The following RARB variants were observed in gnomAD, a reference collection of about 807,000 sequenced individuals.
RARB encodes HBV-activated protein.
Under a neutral mutation model 51.9 loss-of-function variants are expected in RARB, and 17 were observed. The observed-to-expected ratio is 0.33, with a 90% CI of 0.22 to 0.49. RARB has a LOEUF of 0.49. Ranked by LOEUF, RARB falls within the 20% of genes least tolerant of loss-of-function variation. The pLI is 0.99. For synonymous variants in RARB, 215 were observed against 195.4 expected (o/e 1.10, Z -0.84); for missense variants, 369 against 550.8 (o/e 0.67, Z 3.30).
At chr3:25,280,012 A>G (rs754440438) in intron 5 of RARB, among the ~76,000 whole-genome samples, 8 of 152,182 alleles carry the variant, frequency 5.3e-5, no homozygotes, top group Non-Finnish European at 1.0e-4. Flanking sequence ...TGAGGCTTCC[A>G]TAACAAAAGG....
At chr3:24,966,222 A>C (rs1394718950) in intron 2 of RARB, among the ~76,000 whole-genome samples, 1 of 151,856 alleles carries the variant, frequency 6.6e-6, no homozygotes, top group Non-Finnish European at 1.5e-5. Context: ...CTATTATTGG[A>C]ATTTGGGAAA....
Position 24,909,045 on chromosome 3 carries a change from G to A in RARB, c.-380+50293G>A, listed in dbSNP as rs140970743. Among the ~76,000 whole-genome samples the A allele has an allele frequency of 2.8e-3, 429 of 152,210 alleles. 2 individuals carry two copies. Among genetic ancestry groups the A allele is most frequent in the African/African-American group, 9.9e-3 (412 of 41,560 alleles). On this transcript the variant is annotated intron_variant, in intron 2 of 11. Coordinates refer to the RARB transcript ENST00000383772. ...GTTATATAACACATTAGAAATGTTA[G>A]AGCTTTTTCCAAAAGGCATCATTTT...
intron 3 of RARB, among the ~76,000 whole-genome samples, chr3:25,531,657 TAC>T (rs1698925357): frequency 6.6e-6 from 1 of 151,740 alleles, no homozygotes; most frequent in East Asian, 1.9e-4. Flanking sequence ...CCAGAAGTGC[TAC>T]AGTTTTCTGT....
At chr3:25,362,994 C>T (rs558109582) in intron 5 of RARB, among the ~76,000 whole-genome samples, 6 of 152,056 alleles carry the variant, frequency 3.9e-5, no homozygotes, top group East Asian at 1.9e-4. Flanking sequence ...TACTTTCAAT[C>T]GATTTACAGG....
intron 5 of RARB, among the ~76,000 whole-genome samples, chr3:25,281,972 G>A (rs1299305503): frequency 6.6e-6 from 1 of 152,188 alleles, no homozygotes; most frequent in East Asian, 1.9e-4. Context: ...GGGGTTCAGA[G>A]TACAGAGATT....
In RARB at chr3:25,494,762, G is replaced by A. The variant is rs549071264; in HGVS notation, c.307-6420G>A. On this transcript the variant is annotated intron_variant, in intron 2 of 7. Coordinates refer to ENST00000330688, the MANE Select transcript of RARB (RefSeq NM_000965.5). Reference sequence around the variant, plus strand: ...ATCATGAAGTTGTCCATCCCCAAGAGCCTATATTGTTTAGAGGTTGGACAC... The same window carrying A: ...ATCATGAAGTTGTCCATCCCCAAGAACCTATATTGTTTAGAGGTTGGACAC... Among the ~76,000 whole-genome samples the A allele has an allele frequency of 2.0e-5, 3 of 152,296 alleles. No homozygotes were observed. The East Asian group carries it at 5.8e-4, about 29-fold the overall frequency.
intron 2 of RARB, among the ~76,000 whole-genome samples, chr3:25,487,183 T>C (rs1696515477): frequency 6.6e-6 from 1 of 152,156 alleles, no homozygotes; most frequent in Admixed American, 6.5e-5. Context: ...TTTGACACAG[T>C]AATAGACACA....
At chr3:25,445,997 T>C (rs992500414) in intron 1 of RARB, among the ~76,000 whole-genome samples, 17 of 152,238 alleles carry the variant, frequency 1.1e-4, no homozygotes, top group African/African-American at 4.1e-4. Flanking sequence ...TCCCTGGCTC[T>C]ACGCCAGGGA....
intron 5 of RARB, among the ~76,000 whole-genome samples, chr3:25,405,438 A>G (rs1241078102): frequency 6.6e-6 from 1 of 152,220 alleles, no homozygotes; most frequent in African/African-American, 2.4e-5. Flanking sequence ...GCATTGCTAA[A>G]CATCAGGCCT....
intron 3 of RARB, among the ~76,000 whole-genome samples, chr3:25,106,344 C>G (rs1226619852): frequency 1.3e-5 from 2 of 152,028 alleles, no homozygotes; most frequent in African/African-American, 4.8e-5. Context: ...GGTGCAATTG[C>G]AGCTCACTGC....
rs1158358075 is a variant in RARB at position 24,961,572 on chromosome 3, T to A, written c.-379-98553T>A. On this transcript the variant is annotated intron_variant, in intron 2 of 11. Transcript: ENST00000383772. The stretch of plus-strand genomic sequence containing the variant: ...TCTATGGAAGGAATCATATGAGACT[T>A]TCCAGGTTGTTCAGACAGATGAATT... Among the ~76,000 whole-genome samples, 4 of 152,120 alleles carry A rather than the reference T, an allele frequency of 2.6e-5. No homozygotes were observed. The South Asian group carries it at 8.3e-4, about 32-fold the overall frequency.
intron 3 of RARB, among the ~76,000 whole-genome samples, chr3:25,533,195 G>A (rs1447611676): frequency 6.6e-6 from 1 of 151,986 alleles, no homozygotes; most frequent in Non-Finnish European, 1.5e-5. Context: ...TATGGGAAGG[G>A]GACACATTAC....
At chr3:25,487,938 A>G (rs944099084) in intron 2 of RARB, among the ~76,000 whole-genome samples, 12 of 152,220 alleles carry the variant, frequency 7.9e-5, no homozygotes, top group Admixed American at 3.9e-4. Flanking sequence ...TCTTCCCTCT[A>G]TAGATATGTT....
intron 2 of RARB, among the ~76,000 whole-genome samples, chr3:25,040,874 C>T (rs1173416089): frequency 6.6e-6 from 1 of 152,172 alleles, no homozygotes; most frequent in East Asian, 1.9e-4. Flanking sequence ...GCTGCCTGGT[C>T]TAAGGTCTGT....
At chr3:25,044,257 T>C (rs753477641) in intron 2 of RARB, among the ~76,000 whole-genome samples, 2 of 152,188 alleles carry the variant, frequency 1.3e-5, no homozygotes, top group Non-Finnish European at 2.9e-5. Context: ...GTATGTGTGA[T>C]TCTGACATTA....
At chr3:24,876,712 T>G (rs1321801397) in intron 2 of RARB, among the ~76,000 whole-genome samples, 1 of 152,158 alleles carries the variant, frequency 6.6e-6, no homozygotes, top group Admixed American at 6.5e-5. Context: ...ATATATTAAT[T>G]GCTGGAAATC....
At chr3:24,875,065 T>G (rs927325371) in intron 2 of RARB, among the ~76,000 whole-genome samples, 15 of 152,150 alleles carry the variant, frequency 9.9e-5, no homozygotes, top group African/African-American at 3.6e-4. Flanking sequence ...TTTATATGCT[T>G]CTGTTAAACA....
intron 2 of RARB, among the ~76,000 whole-genome samples, chr3:25,482,216 T>C (rs185270140): frequency 6.6e-6 from 1 of 152,292 alleles, no homozygotes; most frequent in African/African-American, 2.4e-5. Context: ...ATTCAAGTGG[T>C]ATGTCTGGCT....
intron 2 of RARB, among the ~76,000 whole-genome samples, chr3:24,898,539 C>A (rs1021944546): frequency 2.0e-5 from 3 of 151,828 alleles, no homozygotes; most frequent in African/African-American, 7.3e-5. Context: ...TGAAAAATAA[C>A]CTTATGCGTA....
Sources: gnomAD v4.1 joint callset for allele counts (sites outside exome capture counted in the v4.1 genomes callset) on GRCh38, gnomAD v4.1.1 for gene constraint, MANE v1.5 for transcripts, NCBI Gene and HGNC (gene_info 2026-07-23, HGNC 2026-07-21) for gene names.